Variants in ATP2C2 observed in about 807,000 individuals in gnomAD.
ATP2C2 encodes calcium-transporting ATPase type 2C member 2.
ATP2C2 carries 171 observed loss-of-function variants against 110.8 expected under a neutral mutation model. The ratio of observed to expected loss-of-function variants is 1.54; its 90% CI spans 1.36 to 1.75. The LOEUF is 1.75. Among genes scored for constraint, ATP2C2 ranks in the 40% most tolerant of loss-of-function variants. The pLI is 0.00. For missense variants in ATP2C2, 1,963 were observed against 1,235.0 expected, an observed-to-expected ratio of 1.59 and a Z score of -8.84; for synonymous variants, 804 against 508.4, an observed-to-expected ratio of 1.58 and a Z score of -7.82.
intron 15 of ATP2C2, among the ~76,000 whole-genome samples, chr16:84,444,174 A>C (rs1157009294): frequency 3.3e-5 from 5 of 150,842 alleles, no homozygotes; most frequent in South Asian, 4.2e-4. Context: ...AAAAAAAAAA[A>C]AAAAAAAAAA....
At position 84,459,167 on chromosome 16, in the gene ATP2C2, T is replaced by A. The variant is rs1439048964; in HGVS notation, c.2195T>A (p.Phe732Tyr). 6.2e-7 allele frequency: 1 copy of A among 1,614,156 alleles called. No homozygotes were observed. The highest frequency in any genetic ancestry group is 8.5e-7 in the Non-Finnish European group (1 of 1,180,032). The part of the protein sequence containing the change: ...GKGIFYNIKN[F>Y]VRFQLSTSIS... Reference sequence around the variant, plus strand: ...GGTATTTTTTACAACATCAAAAACTTTGTCCGATTCCAGCTGAGCACGTAA... The same window carrying A: ...GGTATTTTTTACAACATCAAAAACTATGTCCGATTCCAGCTGAGCACGTAA... Residue 732 changes from phenylalanine to tyrosine, a missense_variant, in exon 22 of 27, where the codon TTT becomes TAT. Transcript: ENST00000262429.
In ATP2C2 at chr16:84,458,898, G is replaced by A. The variant is rs568412180; in HGVS notation, c.2148-222G>A. 5.3e-5 allele frequency among the ~76,000 whole-genome samples: 8 copies of A among 152,306 alleles called. No individual in the cohort carries two copies. In the East Asian group the frequency reaches 7.7e-4, roughly 15 times the overall value. On this transcript the variant is annotated intron_variant, in intron 21 of 26. Transcript: ENST00000262429. ...AGGTGTACCCTTGGCACAGAAGGGC[G>A]AACATGGCTCAAGGATCAGTTCCCA...
intron 14 of ATP2C2, among the ~76,000 whole-genome samples, 155 bp downstream of exon 14, chr16:84,441,113 C>G (rs557276007): frequency 6.6e-6 from 1 of 152,204 alleles, no homozygotes; most frequent in African/African-American, 2.4e-5. Context: ...AAAATGGCCT[C>G]AAAAGTGATG....
intron 15 of ATP2C2, 73 bp downstream of exon 15, chr16:84,442,672 C>G: frequency 7.0e-7 from 1 of 1,431,444 alleles, no homozygotes; most frequent in East Asian, 2.3e-5. Flanking sequence ...AAAGCCAGCT[C>G]CTGTCTGAGC....
At chr16:84,461,924 G>A in intron 25 of ATP2C2, 64 bp from the exon 26 acceptor site, 1 of 1,607,734 alleles carries the variant, frequency 6.2e-7, no homozygotes, top group Non-Finnish European at 8.5e-7. Context: ...GGCAGTCAGA[G>A]CTCCCCTGCC....
In ATP2C2 at chr16:84,392,876, T is replaced by G. The variant is rs2151410583; in HGVS notation, c.100-5623T>G. ...GGTGTCATTCAACGTGTCTATTATC[T>G]CCAGTATTTCCTGTCAACTGGTGGG... On this transcript the variant is annotated intron_variant, in intron 1 of 26. Coordinates refer to ENST00000262429, the MANE Select transcript of ATP2C2 (RefSeq NM_014861.4). Among the ~76,000 whole-genome samples, 6 of 152,290 alleles carry G rather than the reference T, an allele frequency of 3.9e-5. 1 individual carries two copies.
In ATP2C2 at chr16:84,417,903, C is replaced by G. The variant is rs78801171; in HGVS notation, c.624+2312C>G. Among the ~76,000 whole-genome samples, 611 of 152,312 alleles carry G rather than the reference C, an allele frequency of 4.0e-3. 7 individuals carry two copies. Among genetic ancestry groups the G allele is most frequent in the African/African-American group, 0.014 (570 of 41,552 alleles). On this transcript the variant is annotated intron_variant, in intron 7 of 26. Coordinates refer to ENST00000262429, the MANE Select transcript of ATP2C2 (RefSeq NM_014861.4). ...TAAGCTCTGAGATCCAGGAGTACTT[C>G]AAGTGTACATTTTAAAACCATTTTG...
At chr16:84,442,190 C>A (rs968895943) in intron 14 of ATP2C2, among the ~76,000 whole-genome samples, 5 of 152,122 alleles carry the variant, frequency 3.3e-5, no homozygotes, top group African/African-American at 1.2e-4. Context: ...GCAAACTTCA[C>A]CACTGTCTAG....
At chr16:84,463,346 C>T (rs942382915) in intron 26 of ATP2C2, among the ~76,000 whole-genome samples, 3 of 152,108 alleles carry the variant, frequency 2.0e-5, no homozygotes, top group Non-Finnish European at 2.9e-5. Context: ...CCTTCCAGCC[C>T]GAGTCCATAA....
At chr16:84,370,991 A>G (rs936185660) in intron 1 of ATP2C2, among the ~76,000 whole-genome samples, 6 of 152,192 alleles carry the variant, frequency 3.9e-5, no homozygotes, top group Admixed American at 2.6e-4. Context: ...CCTGACAGCC[A>G]GTTTTGCTAG....
rs777575546 is a variant in ATP2C2 at position 84,453,205 on chromosome 16, G to C, written c.1899G>C (p.Glu633Asp). The C allele has an allele frequency of 6.2e-7, 1 of 1,613,882 alleles. No individual in the cohort carries two copies. The highest frequency in any genetic ancestry group is 8.5e-7 in the Non-Finnish European group (1 of 1,179,780). Reference protein sequence around the residue: ...AMSGEEVDSVEKGELADRVGK... With the variant: ...AMSGEEVDSVDKGELADRVGK... ...CCGGGGAGGAGGTGGACAGCGTGGA[G>C]AAGGGCGAGCTGGCCGACCGCGTGG... The change falls in exon 19 of 27, where the codon GAG (glutamate) becomes GAC (aspartate). Residue 633 changes from glutamate (E) to aspartate (D), a missense_variant. Coordinates refer to ENST00000262429, the MANE Select transcript of ATP2C2 (RefSeq NM_014861.4).
intron 1 of ATP2C2, among the ~76,000 whole-genome samples, chr16:84,392,182 C>T (rs1031759752): frequency 9.9e-5 from 15 of 152,160 alleles, no homozygotes; most frequent in African/African-American, 3.6e-4. Context: ...CTGTCTACCC[C>T]AGATTGTTTT....
At chr16:84,409,097 T>G (rs968557056) in intron 4 of ATP2C2, among the ~76,000 whole-genome samples, 1 of 152,126 alleles carries the variant, frequency 6.6e-6, no homozygotes, top group African/African-American at 2.4e-5. Flanking sequence ...AATGACCTAT[T>G]CTGGATATGT....
At position 84,453,024 on chromosome 16, in the gene ATP2C2, A is replaced by C. The variant is rs1347858714; in HGVS notation, c.1832-114A>C. The C allele has an allele frequency of 3.6e-6, 4 of 1,115,182 alleles. No individual in the cohort carries two copies. In the Admixed American group the frequency reaches 8.7e-5, roughly 24 times the overall value. 69.1% of individuals were successfully genotyped at this position (1,115,182 alleles called of 1,614,324 possible). The stretch of plus-strand genomic sequence containing the variant: ...CGTGCAGCATGGTAGGTCCTCAGTA[A>C]ACCGTCTCCAGCATGGTTTTATTCT... On this transcript the variant is annotated intron_variant, in intron 18 of 26. Coordinates refer to ENST00000262429, the MANE Select transcript of ATP2C2 (RefSeq NM_014861.4).
chr16:84,416,608 C>G lies in ATP2C2; in HGVS notation c.624+1017C>G, dbSNP rs113064842. On this transcript the variant is annotated intron_variant, in intron 7 of 26. Transcript: ENST00000262429. ...GGGCCAGGGCTTATGTGTGGCCACT[C>G]GGACATTGATCCTCTCTGCCGTGAC... Among the ~76,000 whole-genome samples, 20 of 152,204 alleles carry G rather than the reference C, an allele frequency of 1.3e-4. 1 individual carries two copies. Among genetic ancestry groups the G allele is most frequent in the African/African-American group, 4.8e-4 (20 of 41,532 alleles).
At chr16:84,454,295 C>G (rs575689071) in intron 20 of ATP2C2, among the ~76,000 whole-genome samples, 6 of 152,286 alleles carry the variant, frequency 3.9e-5, no homozygotes, top group South Asian at 2.1e-4. Flanking sequence ...TTTTCTGACT[C>G]TGAATACCAA....
At chr16:84,441,030 G>A (rs1056529158) in intron 14 of ATP2C2, 72 bp downstream of exon 14, 4 of 1,280,648 alleles carry the variant, frequency 3.1e-6, no homozygotes, top group East Asian at 2.4e-5. Context: ...TCTGAAAAGG[G>A]AAACAGCCAT....
At chr16:84,442,910 T>G (rs775266371) in intron 15 of ATP2C2, among the ~76,000 whole-genome samples, 1 of 152,140 alleles carries the variant, frequency 6.6e-6, no homozygotes, top group Non-Finnish European at 1.5e-5. Context: ...AGACTCCCTA[T>G]GCACCCAACA....
chr16:84,395,997 C>T (rs1177003759), intron 1 of ATP2C2, among the ~76,000 whole-genome samples: 1 of 152,168 alleles, frequency 6.6e-6, no homozygotes, highest in African/African-American at 2.4e-5. Flanking sequence ...AGCCCGGTTA[C>T]CTCTGCTCTC....
Sources: allele counts gnomAD v4.1 joint callset (sites outside exome capture counted in the v4.1 genomes callset), GRCh38; gene constraint gnomAD v4.1.1; transcripts MANE v1.5; gene names NCBI Gene and HGNC (gene_info 2026-07-23, HGNC 2026-07-21).